Variants in HECW2 observed in about 807,000 individuals in gnomAD.
HECW2 encodes E3 ubiquitin-protein ligase HECW2.
HECW2 carries 61 observed loss-of-function variants against 175.2 expected under a neutral mutation model. The observed-to-expected ratio is 0.35, with a 90% CI of 0.28 to 0.43. HECW2 has a LOEUF of 0.43. Ranked by LOEUF, HECW2 falls within the 20% of genes least tolerant of loss-of-function variation. HECW2 has a pLI of 1.00. For missense variants in HECW2, 1,524 were observed against 2,000.5 expected (o/e 0.76, Z 4.54); for synonymous variants, 671 against 731.0 (o/e 0.92, Z 1.32).
chr2:196,339,029 C>T (rs1276946456), intron 3 of HECW2, among the ~76,000 whole-genome samples: 4 of 152,090 alleles, frequency 2.6e-5, no homozygotes, highest in African/African-American at 9.7e-5. Flanking sequence ...CTCAGAAAAA[C>T]AAAAGGGACA....
intron 19 of HECW2, among the ~76,000 whole-genome samples, chr2:196,245,550 A>G (rs1355192176): frequency 6.6e-6 from 1 of 152,186 alleles, no homozygotes; most frequent in African/African-American, 2.4e-5. Flanking sequence ...TCAGGGCCAC[A>G]CGTGTGGATG....
chr2:196,235,765 C>T (rs1688229284), intron 21 of HECW2, among the ~76,000 whole-genome samples: 1 of 147,792 alleles, frequency 6.8e-6, no homozygotes, highest in African/African-American at 2.5e-5. Context: ...ACGCCATTCT[C>T]CTGCCTCAGC....
At chr2:196,421,048 A>C (rs190690829) in intron 2 of HECW2, among the ~76,000 whole-genome samples, 2 of 152,310 alleles carry the variant, frequency 1.3e-5, no homozygotes, top group East Asian at 3.9e-4. Context: ...TGAAAGGATA[A>C]ACTTTTAAGA....
At position 196,242,107 on chromosome 2, in the gene HECW2, A is replaced by G; in HGVS notation, c.3627T>C (p.Tyr1209=). 2 of 1,614,176 alleles carry G rather than the reference A, an allele frequency of 1.2e-6. No individual in the cohort carries two copies. The highest frequency in any genetic ancestry group is 1.7e-6 in the Non-Finnish European group (2 of 1,180,006). Residue 1209 remains tyrosine (Y), a synonymous_variant, in exon 20 of 29, where the codon TAT becomes TAC. Coordinates refer to ENST00000644978, the MANE Select transcript of HECW2 (RefSeq NM_001348768.2). ...ACTTTAACTTCCCTGGGCCTTGTCC[A>G]TATCCTTTAGTCTCTAACTTCCTGT... The part of the protein sequence containing the change: ...NFYRKLETKG[Y]GQGPGKLKLI...
intron 1 of HECW2, among the ~76,000 whole-genome samples, chr2:196,436,791 G>T (rs1316516992): frequency 6.8e-6 from 1 of 147,160 alleles, no homozygotes; most frequent in Non-Finnish European, 1.5e-5. Flanking sequence ...TCCTAACATA[G>T]CCCTTTCCCT....
intron 10 of HECW2, among the ~76,000 whole-genome samples, chr2:196,309,227 C>T (rs1204723900): frequency 6.6e-6 from 1 of 152,168 alleles, no homozygotes; most frequent in African/African-American, 2.4e-5. Context: ...TGCACCAGAC[C>T]ATTGCTGAAG....
intron 1 of HECW2, among the ~76,000 whole-genome samples, chr2:196,483,314 C>T (rs1559137386): frequency 6.6e-6 from 1 of 151,996 alleles, no homozygotes; most frequent in Non-Finnish European, 1.5e-5. Context: ...CTCCATGTTA[C>T]AAAAATCAAG....
chr2:196,521,944 C>T (rs1023669228), intron 1 of HECW2, among the ~76,000 whole-genome samples: 36 of 152,142 alleles, frequency 2.4e-4, no homozygotes, highest in African/African-American at 8.4e-4. Flanking sequence ...AATAAACATA[C>T]ATGTGCCTGT....
At chr2:196,275,721 C>T (rs970337034) in intron 15 of HECW2, among the ~76,000 whole-genome samples, 11 of 151,442 alleles carry the variant, frequency 7.3e-5, no homozygotes, top group Non-Finnish European at 1.6e-4. Context: ...CACTGCACTC[C>T]TGCCTGGCGA....
intron 3 of HECW2, among the ~76,000 whole-genome samples, chr2:196,338,984 G>A (rs572315144): frequency 6.6e-6 from 1 of 152,258 alleles, no homozygotes; most frequent in East Asian, 1.9e-4. Context: ...AAGGGCCAGT[G>A]GAGCCTGAAA....
intron 2 of HECW2, among the ~76,000 whole-genome samples, chr2:196,422,610 C>T (rs1695436762): frequency 6.6e-6 from 1 of 151,954 alleles, no homozygotes; most frequent in Admixed American, 6.6e-5. Flanking sequence ...ATAAATAATC[C>T]TTTGTTCTGT....
At chr2:196,428,545 A>C (rs1306148589) in intron 2 of HECW2, among the ~76,000 whole-genome samples, 1 of 152,192 alleles carries the variant, frequency 6.6e-6, no homozygotes, top group Non-Finnish European at 1.5e-5. Flanking sequence ...GTATCCAAAA[A>C]ATTGTTTTGC....
intron 28 of HECW2, among the ~76,000 whole-genome samples, chr2:196,210,419 C>T (rs2105785360): frequency 6.6e-6 from 1 of 152,048 alleles, no homozygotes; most frequent in South Asian, 2.1e-4. Flanking sequence ...AGGTTTGACT[C>T]AAACTCCCAT....
intron 1 of HECW2, among the ~76,000 whole-genome samples, chr2:196,541,137 G>A (rs1033801941): frequency 1.3e-5 from 2 of 152,044 alleles, no homozygotes; most frequent in Non-Finnish European, 2.9e-5. Context: ...TGGACCTCCT[G>A]GGAGCGGCTC....
intron 1 of HECW2, among the ~76,000 whole-genome samples, chr2:196,516,354 T>C (rs1688147007): frequency 6.6e-6 from 1 of 152,202 alleles, no homozygotes; most frequent in African/African-American, 2.4e-5. Context: ...ATAATTGCAG[T>C]CTACCAAGTT....
intron 24 of HECW2, 125 bp downstream of exon 24, chr2:196,222,086 T>C: frequency 4.0e-6 from 3 of 758,818 alleles, no homozygotes; most frequent in African/African-American, 1.8e-5. Context: ...TGTGTGATCC[T>C]GAGTTTAAAT....
chr2:196,486,970 CA>C (rs1482256151), intron 1 of HECW2, among the ~76,000 whole-genome samples: 2 of 151,826 alleles, frequency 1.3e-5, no homozygotes, highest in Non-Finnish European at 2.9e-5. Flanking sequence ...GCTGTCACTA[CA>C]AAAAACTTTT....
chr2:196,296,383 T>TA (rs1332926759), intron 13 of HECW2, among the ~76,000 whole-genome samples: 1 of 152,176 alleles, frequency 6.6e-6, no homozygotes, highest in Non-Finnish European at 1.5e-5. Flanking sequence ...CAAAGGATGG[T>TA]AAAGTAATTT....
intron 1 of HECW2, among the ~76,000 whole-genome samples, chr2:196,572,229 T>A (rs1464275372): frequency 1.3e-5 from 2 of 152,134 alleles, no homozygotes; most frequent in African/African-American, 4.8e-5. Flanking sequence ...GTTGCCTAAG[T>A]TGGAGTGCAG....
Sources: allele counts gnomAD v4.1 joint callset (sites outside exome capture counted in the v4.1 genomes callset), GRCh38; gene constraint gnomAD v4.1.1; transcripts MANE v1.5; gene names NCBI Gene and HGNC (gene_info 2026-07-23, HGNC 2026-07-21).